Variants in UBE2K observed in about 807,000 individuals in gnomAD.
UBE2K encodes ubiquitin-conjugating enzyme E2 K.
In UBE2K, 6 loss-of-function variants were observed where a neutral mutation model predicts 30.0. That is an observed-to-expected ratio of 0.20 (90% CI 0.11 to 0.39). The LOEUF is 0.39. Ranked by LOEUF, UBE2K falls within the 10% of genes least tolerant of loss-of-function variation. The probability of loss-of-function intolerance (pLI) is 1.00; values close to 1 mark genes in which losing one functional copy is unlikely to be tolerated. For synonymous variants in UBE2K, 86 were observed against 83.7 expected (o/e 1.03, Z -0.15); for missense variants, 61 against 241.6 (o/e 0.25, Z 4.96).
chr4:39,713,726 C>T (rs552980208), intron 1 of UBE2K: 1 of 152,158 alleles, frequency 6.6e-6, no homozygotes, highest in South Asian at 2.1e-4. Flanking sequence ...CCCCCTACCA[C>T]CCAGCTTCTG....
intron 2 of UBE2K, 141 bp downstream of exon 2, chr4:39,737,654 A>G: frequency 1.8e-6 from 1 of 551,510 alleles, no homozygotes; most frequent in South Asian, 3.1e-5. Context: ...AAAAAATACT[A>G]AATTTAGATA....
intron 1 of UBE2K, among the ~76,000 whole-genome samples, chr4:39,734,525 C>T (rs886934406): frequency 7.2e-5 from 11 of 151,878 alleles, no homozygotes; most frequent in African/African-American, 1.5e-4. Flanking sequence ...GGGCTGGATG[C>T]GGTACCTCAC....
At chr4:39,714,088 C>T (rs1718870899) in intron 1 of UBE2K, 1 of 152,188 alleles carries the variant, frequency 6.6e-6, no homozygotes, top group African/African-American at 2.4e-5. Flanking sequence ...AGGTCTCACA[C>T]TACTTTTTGT....
chr4:39,698,229 A>G lies in UBE2K; in HGVS notation c.-99A>G, dbSNP rs1717799250. On this transcript the variant is annotated 5_prime_UTR_variant, in exon 1 of 7. Transcript: ENST00000261427. ...GCAGTGTTCGTGTGCTCAGGTCTGA[A>G]TCGCCGAGGGAGGAGGCGGTGGAGG... 4 of 1,210,456 alleles carry G rather than the reference A, an allele frequency of 3.3e-6. No homozygotes were observed. Among genetic ancestry groups the G allele is most frequent in the Non-Finnish European group, 3.6e-6 (3 of 834,924 alleles). 75.0% of individuals were successfully genotyped at this position (1,210,456 alleles called of 1,614,324 possible). A position where few individuals can be genotyped will look rare whatever the true frequency, so the allele number is the denominator to read the frequency against.
chr4:39,736,469 A>G (rs937501088), intron 1 of UBE2K, among the ~76,000 whole-genome samples: 1 of 152,242 alleles, frequency 6.6e-6, no homozygotes, highest in Admixed American at 6.5e-5. Context: ...TCTCAAAAAA[A>G]GGAAGATGTA....
At chr4:39,728,918 C>T (rs558970053) in intron 1 of UBE2K, among the ~76,000 whole-genome samples, 21 of 150,806 alleles carry the variant, frequency 1.4e-4, no homozygotes, top group Admixed American at 3.3e-4. Flanking sequence ...CCACCCGCCT[C>T]GGCCTCCCAA....
chr4:39,702,501 G>A (rs1183176115), intron 1 of UBE2K, among the ~76,000 whole-genome samples: 1 of 151,810 alleles, frequency 6.6e-6, no homozygotes, highest in Non-Finnish European at 1.5e-5. Flanking sequence ...TGATCCACCC[G>A]CCTCGACTTC....
intron 1 of UBE2K, among the ~76,000 whole-genome samples, chr4:39,721,627 GA>G (rs1389089521): frequency 6.6e-6 from 1 of 152,094 alleles, no homozygotes; most frequent in Non-Finnish European, 1.5e-5. Flanking sequence ...ACAGTGCTGG[GA>G]TTACAGGCAT....
chr4:39,740,746 C>T (rs1238251556), intron 2 of UBE2K, among the ~76,000 whole-genome samples: 6 of 150,266 alleles, frequency 4.0e-5, no homozygotes, highest in Non-Finnish European at 7.4e-5. Flanking sequence ...GCCTGTAGTC[C>T]CAGCTACTTG....
At chr4:39,742,381 A>G (rs1422400278) in intron 2 of UBE2K, among the ~76,000 whole-genome samples, 1 of 150,390 alleles carries the variant, frequency 6.6e-6, no homozygotes, top group East Asian at 1.9e-4. Context: ...CATTATTGTT[A>G]TATGTTCTGT....
intron 1 of UBE2K, 107 bp downstream of exon 1, chr4:39,698,497 C>G: frequency 9.7e-7 from 1 of 1,030,464 alleles, no homozygotes; most frequent in Non-Finnish European, 1.5e-6. Context: ...CTCCTTGCGG[C>G]CGCCCTTCTG....
At chr4:39,756,781 T>A (rs1553878926) in intron 4 of UBE2K, among the ~76,000 whole-genome samples, 8 of 152,120 alleles carry the variant, frequency 5.3e-5, no homozygotes, top group Non-Finnish European at 1.2e-4. Context: ...GAGAAAACCA[T>A]AAAACTAGAA....
At chr4:39,731,902 T>C (rs1483114211) in intron 1 of UBE2K, among the ~76,000 whole-genome samples, 2 of 152,190 alleles carry the variant, frequency 1.3e-5, no homozygotes, top group African/African-American at 4.8e-5. Context: ...CAAATAATAA[T>C]TTTTTTATAT....
At chr4:39,777,640 A>G (rs768439352) in intron 5 of UBE2K, 42 bp from the exon 6 acceptor site, 9 of 1,480,434 alleles carry the variant, frequency 6.1e-6, no homozygotes, top group African/African-American at 2.9e-5. Context: ...ATCAAATATT[A>G]TAACTGTAAT....
At chr4:39,739,634 G>A (rs1392422136) in intron 2 of UBE2K, among the ~76,000 whole-genome samples, 1 of 151,498 alleles carries the variant, frequency 6.6e-6, no homozygotes, top group African/African-American at 2.4e-5. Flanking sequence ...TTTAGTAGAG[G>A]CGGGGTTTCA....
intron 1 of UBE2K, among the ~76,000 whole-genome samples, chr4:39,704,994 C>T (rs372671977): frequency 2.4e-4 from 37 of 151,570 alleles, no homozygotes; most frequent in African/African-American, 8.7e-4. Context: ...TCTCAGCCTC[C>T]TGAGTAGCTG....
At chr4:39,703,719 T>C (rs1011270655) in intron 1 of UBE2K, among the ~76,000 whole-genome samples, 3 of 151,372 alleles carry the variant, frequency 2.0e-5, no homozygotes, top group African/African-American at 7.3e-5. Context: ...TGGTGGTGAG[T>C]GCCTGTAGTC....
intron 1 of UBE2K, among the ~76,000 whole-genome samples, chr4:39,725,394 A>AAC (rs1719694411): frequency 7.3e-6 from 1 of 137,488 alleles, no homozygotes; most frequent in East Asian, 2.4e-4. Flanking sequence ...AAAAAAAAAA[A>AAC]AAAAAAAAAA....
At position 39,724,598 on chromosome 4, in the gene UBE2K, A is replaced by T. The variant is rs531011379; in HGVS notation, c.64-12822A>T. On this transcript the variant is annotated intron_variant, in intron 1 of 6. Transcript: ENST00000261427. ...CCCGTCTCTGCAAAAAAAAAAAAAAAAAAAAAAAAAAATACAAAAATTAGC... is the reference window on the plus strand; with the variant it reads ...CCCGTCTCTGCAAAAAAAAAAAAAATAAAAAAAAAAAATACAAAAATTAGC... 4.0e-5 allele frequency among the ~76,000 whole-genome samples: 6 copies of T among 150,430 alleles called. No individual in the cohort carries two copies. In the South Asian group the frequency reaches 1.3e-3, roughly 32 times the overall value.
Sources: gnomAD v4.1 joint callset for allele counts (sites outside exome capture counted in the v4.1 genomes callset) on GRCh38, gnomAD v4.1.1 for gene constraint, MANE v1.5 for transcripts, NCBI Gene and HGNC (gene_info 2026-07-23, HGNC 2026-07-21) for gene names.